The following COQ8B variants were observed in gnomAD, a reference collection of about 807,000 sequenced individuals.
COQ8B encodes the protein coenzyme Q8B.
A neutral mutation model predicts 62.0 loss-of-function variants in COQ8B; 44 were observed. That is an observed-to-expected ratio of 0.71 (90% CI 0.56 to 0.91). The LOEUF (loss-of-function observed/expected upper bound fraction) is 0.91. COQ8B is among the 40% of genes least tolerant of loss of function. The probability of loss-of-function intolerance (pLI) is 0.00; values close to 1 mark genes in which losing one functional copy is unlikely to be tolerated. For synonymous variants in COQ8B, 252 were observed against 289.9 expected, an observed-to-expected ratio of 0.87 and a Z score of 1.33; for missense variants, 649 against 731.6, an observed-to-expected ratio of 0.89 and a Z score of 1.30.
intron 12 of COQ8B, among the ~76,000 whole-genome samples, chr19:40,698,227 AAG>A (rs1491232689): frequency 8.6e-5 from 13 of 150,822 alleles, no homozygotes; most frequent in Admixed American, 6.6e-4. Context: ...GGGGAAAAAA[AAG>A]AAAAGTGTCC....
intron 12 of COQ8B, among the ~76,000 whole-genome samples, chr19:40,699,718 C>T (rs1018375700): frequency 1.3e-5 from 2 of 152,208 alleles, no homozygotes; most frequent in African/African-American, 2.4e-5. Flanking sequence ...CAGGCTATGT[C>T]ACTAGCTCTC....
chr19:40,709,318 T>A (rs182059220), intron 5 of COQ8B, among the ~76,000 whole-genome samples: 6 of 152,242 alleles, frequency 3.9e-5, no homozygotes, highest in African/African-American at 1.2e-4. Flanking sequence ...TGTCAAATAA[T>A]GTCTCTTTCA....
intron 6 of COQ8B, 59 bp downstream of exon 6, chr19:40,705,266 G>A (rs768013882): frequency 1.3e-6 from 2 of 1,589,530 alleles, no homozygotes; most frequent in South Asian, 2.2e-5. Flanking sequence ...GGGCCTGTTG[G>A]TGGGTAGGGC....
intron 9 of COQ8B, 160 bp downstream of exon 9, chr19:40,703,381 C>T (rs2082076111): frequency 1.4e-6 from 1 of 722,678 alleles, no homozygotes; most frequent in Admixed American, 3.0e-5. Flanking sequence ...GCTCATGCTC[C>T]CTGGGCTCTC....
chr19:40,704,806 G>A (rs375857359), intron 7 of COQ8B: 6 of 314,220 alleles, frequency 1.9e-5, no homozygotes, highest in African/African-American at 1.1e-4. Flanking sequence ...ATCAGGGGCC[G>A]TTCTCAGTGC....
chr19:40,695,420 G>A (rs115272854), intron 13 of COQ8B, among the ~76,000 whole-genome samples: 1,585 of 152,060 alleles, frequency 0.01, 27 homozygotes, highest in African/African-American at 0.036. Context: ...TCTCAACAAC[G>A]AATGAAATGG....
intron 10 of COQ8B, among the ~76,000 whole-genome samples, chr19:40,701,639 T>C (rs921752443): frequency 5.9e-5 from 9 of 152,158 alleles, no homozygotes; most frequent in Admixed American, 2.6e-4. Context: ...ATCGGCACAC[T>C]CCCCTTTCAT....
chr19:40,703,755 C>T lies in COQ8B; in HGVS notation c.677G>A (p.Gly226Asp). The T allele has an allele frequency of 6.2e-7, 1 of 1,614,114 alleles. No individual in the cohort carries two copies. The highest frequency in any genetic ancestry group is 1.1e-5 in the South Asian group (1 of 91,086). The change falls in exon 8 of 15, where the codon GGC (glycine) becomes GAC (aspartate). Residue 226 changes from glycine (G) to aspartate (D), a missense_variant. Gly to Asp is a moderately conservative substitution (Grantham distance 94, BLOSUM62 -1). Coordinates refer to ENST00000324464, the MANE Select transcript of COQ8B (RefSeq NM_024876.4). ...AAASIGQVHQ[G>D]LLRDGTEVAV... ...CACCTCCGTCCCGTCCCTCAGCAGG[C>T]CCTGGTGCACCTGCCCAATTGAGGC...
chr19:40,703,304 G>A (rs1028372582), intron 9 of COQ8B: 5 of 522,508 alleles, frequency 9.6e-6, no homozygotes, highest in Admixed American at 3.6e-5. Context: ...GTCTGCTGCT[G>A]TATCTTGGCC....
Position 40,700,120 on chromosome 19 carries a change from T to A in COQ8B, c.1090A>T (p.Met364Leu). ...CLRELFEFRF[M>L]QTDPNWANFL... ...TTGGCCCAGTTGGGGTCAGTCTGCA[T>A]GAATCGGAACTCAAACAGCTCCCGC... is the stretch of plus-strand genomic sequence containing the variant. The change falls in exon 12 of 15, where the codon ATG becomes TTG. Residue 364 changes from methionine (M) to leucine (L), a missense_variant. Coordinates refer to ENST00000324464, the MANE Select transcript of COQ8B (RefSeq NM_024876.4). 2 of 1,614,232 alleles carry A rather than the reference T, an allele frequency of 1.2e-6. No homozygotes were observed. Among genetic ancestry groups the A allele is most frequent in the Non-Finnish European group, 8.5e-7 (1 of 1,180,040 alleles).
rs1306281763 is a variant in COQ8B, at chr19:40,700,904, C to T, written c.894-453G>A. ...CACTACTCTGAACACAGGTAAATAGCGGGAAAGAATCTTCTGTGTCCATCC... is the reference window on the plus strand; with the variant it reads ...CACTACTCTGAACACAGGTAAATAGTGGGAAAGAATCTTCTGTGTCCATCC... On this transcript the variant is annotated intron_variant, in intron 10 of 14. Transcript: ENST00000324464. The T allele has an allele frequency of 3.7e-5, 6 of 164,088 alleles. No individual in the cohort carries two copies. The East Asian group carries it at 6.6e-4, about 18-fold the overall frequency. 10.2% of individuals were successfully genotyped at this position (164,088 alleles called of 1,614,324 possible).
intron 7 of COQ8B, chr19:40,704,187 T>C (rs1219070905): frequency 9.4e-6 from 2 of 211,998 alleles, no homozygotes; most frequent in African/African-American, 2.3e-5. Flanking sequence ...TCTTGTTCTG[T>C]AGCCCAGGCT....
At chr19:40,698,164 C>T (rs1484718662) in intron 12 of COQ8B, among the ~76,000 whole-genome samples, 3 of 139,060 alleles carry the variant, frequency 2.2e-5, no homozygotes, top group Admixed American at 1.5e-4. Flanking sequence ...TGCAGTGAGC[C>T]GAGATCACAC....
chr19:40,703,253 C>T (rs118062833), intron 9 of COQ8B: 10,655 of 407,940 alleles, frequency 0.026, 184 homozygotes, highest in Non-Finnish European at 0.034. Context: ...TCTGCTCTGC[C>T]GCACCTACAA....
intron 13 of COQ8B, among the ~76,000 whole-genome samples, chr19:40,693,277 C>A (rs896351995): frequency 1.3e-5 from 2 of 152,160 alleles, no homozygotes; most frequent in East Asian, 3.9e-4. Context: ...CAATGTGGGG[C>A]CTGCCCGGGA....
intron 4 of COQ8B, among the ~76,000 whole-genome samples, chr19:40,710,470 G>A (rs1029589705): frequency 1.3e-5 from 2 of 151,940 alleles, no homozygotes; most frequent in Non-Finnish European, 2.9e-5. Flanking sequence ...GGCTGGTCTC[G>A]AACTCCTGAC....
At chr19:40,703,226 C>T (rs1362569460) in intron 9 of COQ8B, 1 of 375,492 alleles carries the variant, frequency 2.7e-6, no homozygotes, top group Admixed American at 4.3e-5. Flanking sequence ...CACGTGCCAT[C>T]CCCAGGACTG....
intron 5 of COQ8B, among the ~76,000 whole-genome samples, chr19:40,707,535 C>A (rs1455017775): frequency 6.6e-6 from 1 of 151,806 alleles, no homozygotes; most frequent in African/African-American, 2.4e-5. Flanking sequence ...ACTGCAACCT[C>A]CGCCTCCCCG....
chr19:40,696,205 C>T, intron 12 of COQ8B, 151 bp from the exon 13 acceptor site: 1 of 791,458 alleles, frequency 1.3e-6, no homozygotes. Context: ...CTGGCCTCAT[C>T]TCCCGTTTCC....
Sources: gnomAD v4.1 joint callset for allele counts (sites outside exome capture counted in the v4.1 genomes callset) on GRCh38, gnomAD v4.1.1 for gene constraint, MANE v1.5 for transcripts, NCBI Gene and HGNC (gene_info 2026-07-23, HGNC 2026-07-21) for gene names.